Variants in GREM2 observed in about 807,000 individuals in gnomAD.
GREM2 encodes gremlin-2.
In GREM2, 11 loss-of-function variants were observed where a neutral mutation model predicts 14.2. That is an observed-to-expected ratio of 0.78 (90% CI 0.49 to 1.28). The LOEUF is 1.28. Ranked by LOEUF, GREM2 falls within the 50% of genes most tolerant of loss-of-function variation. The pLI is 0.00. For synonymous variants in GREM2, 98 were observed against 97.6 expected (o/e 1.00, Z -0.02); for missense variants, 210 against 218.5 (o/e 0.96, Z 0.24).
intron 1 of GREM2, among the ~76,000 whole-genome samples, chr1:240,546,785 C>T (rs2103332608): frequency 6.6e-6 from 1 of 152,104 alleles, no homozygotes; most frequent in Non-Finnish European, 1.5e-5. Context: ...GTCAAAACAG[C>T]CAAGTGTATT....
chr1:240,525,929 C>T (rs1558149430), intron 1 of GREM2, among the ~76,000 whole-genome samples: 1 of 152,148 alleles, frequency 6.6e-6, no homozygotes, highest in Non-Finnish European at 1.5e-5. Context: ...GAGTTGTGTA[C>T]ATTGATTGGC....
chr1:240,597,566 G>T (rs1308164542), intron 1 of GREM2, among the ~76,000 whole-genome samples: 1 of 152,116 alleles, frequency 6.6e-6, no homozygotes, highest in Non-Finnish European at 1.5e-5. Flanking sequence ...TATTGAATGT[G>T]GCTGTTTGTT....
Position 240,567,607 on chromosome 1 carries a change from C to T in GREM2, c.-2+44277G>A, listed in dbSNP as rs368972958. ...TTCTAGAAATATATATTCAGATATA[C>T]AAAATCTGAAAGAATTCATCAATAG... On this transcript the variant is annotated intron_variant, in intron 1 of 1. Coordinates refer to ENST00000318160, the MANE Select transcript of GREM2 (RefSeq NM_022469.4). 4.7e-4 allele frequency among the ~76,000 whole-genome samples: 71 copies of T among 151,980 alleles called. 1 individual carries two copies. The East Asian group carries it at 0.01, about 22-fold the overall frequency.
chr1:240,543,671 TA>T lies in GREM2; in HGVS notation c.-1-50196del, dbSNP rs1444886307. On this transcript the variant is annotated intron_variant, in intron 1 of 1. Coordinates refer to ENST00000318160, the MANE Select transcript of GREM2 (RefSeq NM_022469.4). This position sits in a 1 kb window ranked among gnomAD's most constrained non-coding sequence, Gnocchi z 6.4. ...AGTTTTAGGAACAAAGCATACCTTT[TA>T]AAAAAATTGATGTAAACACAAAATA... Among the ~76,000 whole-genome samples the T allele has an allele frequency of 1.3e-5, 2 of 152,132 alleles. No individual in the cohort carries two copies. Among genetic ancestry groups the T allele is most frequent in the African/African-American group, 4.8e-5 (2 of 41,434 alleles).
intron 1 of GREM2, among the ~76,000 whole-genome samples, chr1:240,554,537 G>A (rs1336945730): frequency 6.6e-6 from 1 of 152,110 alleles, no homozygotes; most frequent in Non-Finnish European, 1.5e-5. Flanking sequence ...TCCAAACCCA[G>A]TTGAATTTAT....
intron 1 of GREM2, among the ~76,000 whole-genome samples, chr1:240,510,326 C>T (rs1239469616): frequency 3.0e-5 from 4 of 132,060 alleles, no homozygotes; most frequent in Non-Finnish European, 6.2e-5. Flanking sequence ...GCAGAGATCG[C>T]GCCACTGCAC....
At chr1:240,580,560 T>C (rs922776025) in intron 1 of GREM2, among the ~76,000 whole-genome samples, 3 of 152,220 alleles carry the variant, frequency 2.0e-5, no homozygotes, top group Non-Finnish European at 4.4e-5. Flanking sequence ...CAACATTTAG[T>C]TGAAACATAT....
rs117371438 is a variant in GREM2 at position 240,509,648 on chromosome 1, A to G, written c.-1-16172T>C. 4.5e-3 allele frequency among the ~76,000 whole-genome samples: 678 copies of G among 152,126 alleles called. 12 individuals are homozygous for G. In the East Asian group the frequency reaches 0.078, roughly 17 times the overall value. ...CTCCCAGTGTGCTGGGATTACAGGC[A>G]TGAGCCACTGCACCCGGTGCTCATT... On this transcript the variant is annotated intron_variant, in intron 1 of 1. Transcript: ENST00000318160.
At chr1:240,509,077 C>A (rs1677741661) in intron 1 of GREM2, among the ~76,000 whole-genome samples, 1 of 152,094 alleles carries the variant, frequency 6.6e-6, no homozygotes, top group East Asian at 1.9e-4. Context: ...GAGCAATTTC[C>A]CCATGTTTAG....
intron 1 of GREM2, among the ~76,000 whole-genome samples, chr1:240,500,491 G>A (rs528981551): frequency 6.6e-6 from 1 of 151,422 alleles, no homozygotes; most frequent in Non-Finnish European, 1.5e-5. Flanking sequence ...TTTTAATAGA[G>A]ACAAGGTTTC....
At chr1:240,539,995 C>T (rs548044963) in intron 1 of GREM2, among the ~76,000 whole-genome samples, 12 of 152,222 alleles carry the variant, frequency 7.9e-5, no homozygotes, top group South Asian at 2.1e-4. Flanking sequence ...ATGAGGGCTG[C>T]GGTAACTCAG....
intron 1 of GREM2, among the ~76,000 whole-genome samples, chr1:240,516,024 T>C (rs771590574): frequency 3.9e-5 from 6 of 152,116 alleles, no homozygotes; most frequent in Non-Finnish European, 7.3e-5. Flanking sequence ...GCCTTTATGG[T>C]AGACCTCCCA....
In GREM2 at chr1:240,493,414, G is replaced by C; in HGVS notation, c.62C>G (p.Ala21Gly). Residue 21 changes from alanine to glycine, a missense_variant, in exon 2 of 2, where the codon GCC (alanine) becomes GGC (glycine). Coordinates refer to ENST00000318160, the MANE Select transcript of GREM2 (RefSeq NM_022469.4). ...LVAVLVKVAEARKNRPAGAIP... is the reference protein window; with the variant it reads ...LVAVLVKVAEGRKNRPAGAIP... ...GGCGCCCGCCGGCCGGTTCTTCCGG[G>C]CTTCCGCCACCTTCACCAGCACCGC... The C allele has an allele frequency of 6.2e-7, 1 of 1,613,028 alleles. No individual in the cohort carries two copies. Among genetic ancestry groups the C allele is most frequent in the Non-Finnish European group, 8.5e-7 (1 of 1,179,696 alleles).
chr1:240,509,101 T>C (rs955467790), intron 1 of GREM2, among the ~76,000 whole-genome samples: 1 of 152,236 alleles, frequency 6.6e-6, no homozygotes, highest in South Asian at 2.1e-4. Context: ...AGAGGACTTC[T>C]TTAATGATTT....
At chr1:240,516,093 G>A (rs1677949750) in intron 1 of GREM2, among the ~76,000 whole-genome samples, 1 of 151,210 alleles carries the variant, frequency 6.6e-6, no homozygotes, top group South Asian at 2.1e-4. Flanking sequence ...AGTTTGGTTT[G>A]GAATCAAGGT....
At chr1:240,535,943 A>C (rs1215525949) in intron 1 of GREM2, among the ~76,000 whole-genome samples, 1 of 152,220 alleles carries the variant, frequency 6.6e-6, no homozygotes, top group East Asian at 1.9e-4. Flanking sequence ...AGCCAGTGTC[A>C]GCTGAGTCAA....
intron 1 of GREM2, among the ~76,000 whole-genome samples, chr1:240,571,444 A>G (rs1225684858): frequency 6.6e-6 from 1 of 152,224 alleles, no homozygotes; most frequent in Non-Finnish European, 1.5e-5. Context: ...CTGTAATCCC[A>G]GCACTTTGGG....
intron 1 of GREM2, among the ~76,000 whole-genome samples, chr1:240,521,627 C>A (rs565274076): frequency 6.6e-6 from 1 of 151,916 alleles, no homozygotes; most frequent in Admixed American, 6.6e-5. Context: ...CCAAAGGAAG[C>A]GCAAATGGGG....
At chr1:240,575,560 G>A (rs151050396) in intron 1 of GREM2, among the ~76,000 whole-genome samples, 181 of 150,310 alleles carry the variant, frequency 1.2e-3, no homozygotes, top group Non-Finnish European at 1.9e-3. Context: ...TCACTCTGTC[G>A]CTCAGGCTGG....
Sources: allele counts gnomAD v4.1 joint callset (sites outside exome capture counted in the v4.1 genomes callset), GRCh38; gene constraint gnomAD v4.1.1; non-coding constraint Gnocchi (gnomAD v3.1); transcripts MANE v1.5; gene names NCBI Gene and HGNC (gene_info 2026-07-23, HGNC 2026-07-21).